LIPC: variants seen among roughly 807,000 people sequenced by gnomAD.
LIPC encodes the protein hepatic triacylglycerol lipase.
Under a neutral mutation model 50.7 loss-of-function variants are expected in LIPC, and 44 were observed. The ratio of observed to expected loss-of-function variants is 0.87; its 90% CI spans 0.68 to 1.11. LIPC has a LOEUF of 1.11. Among genes scored for constraint, LIPC ranks in the 50% most tolerant of loss-of-function variants. LIPC has a pLI of 0.00. For missense variants in LIPC, 697 were observed against 648.2 expected, an observed-to-expected ratio of 1.08 and a Z score of -0.82; for synonymous variants, 271 against 256.4, an observed-to-expected ratio of 1.06 and a Z score of -0.54.
At chr15:58,494,421 A>C (rs1488885787) in intron 1 of LIPC, among the ~76,000 whole-genome samples, 2 of 152,372 alleles carry the variant, frequency 1.3e-5, no homozygotes, top group Middle Eastern at 3.4e-3. Context: ...TTGCAGCCAT[A>C]GATCCTTGGG....
rs41292482 is a variant in LIPC, at chr15:58,442,560, A to C, written c.88+10440A>C. ...ACTCTTACATTTCTTGAATTGAACT[A>C]AGATGTACAGAACAACAGAAACCAT... On this transcript the variant is annotated intron_variant, in intron 1 of 8. Transcript: ENST00000299022. Among the ~76,000 whole-genome samples the C allele has an allele frequency of 4.5e-3, 679 of 152,336 alleles. 1 individual carries two copies. Among genetic ancestry groups the C allele is most frequent in the African/African-American group, 0.016 (657 of 41,568 alleles).
chr15:58,533,778 G>A lies in LIPC; in HGVS notation c.89-4555G>A, dbSNP rs532690680. ...AACATTATGAAGATATACTCCAAAT[G>A]TTATTTGTGTTTTTTTCTAAATAAT... On this transcript the variant is annotated intron_variant, in intron 1 of 8. Coordinates refer to ENST00000299022, the MANE Select transcript of LIPC (RefSeq NM_000236.3). Among the ~76,000 whole-genome samples the A allele has an allele frequency of 4.6e-5, 7 of 152,116 alleles. No homozygotes were observed. The South Asian group carries it at 1.2e-3, about 27-fold the overall frequency.
chr15:58,462,668 T>C (rs1894394954), intron 1 of LIPC, among the ~76,000 whole-genome samples: 1 of 152,198 alleles, frequency 6.6e-6, no homozygotes, highest in African/African-American at 2.4e-5. Flanking sequence ...GTCAGGCTCC[T>C]GTCAGCTCGG....
chr15:58,487,031 G>A (rs1180617965), intron 1 of LIPC, among the ~76,000 whole-genome samples: 1 of 152,202 alleles, frequency 6.6e-6, no homozygotes, highest in Non-Finnish European at 1.5e-5. Context: ...GTGCTAGGAT[G>A]ATTATGGTTC....
intron 1 of LIPC, chr15:58,436,878 CT>C: frequency 2.2e-6 from 1 of 456,230 alleles, no homozygotes; most frequent in Non-Finnish European, 4.4e-6. Context: ...AGTACATGTG[CT>C]TTTCAAGCCC....
intron 1 of LIPC, among the ~76,000 whole-genome samples, chr15:58,468,937 C>T (rs2140733349): frequency 6.6e-6 from 1 of 152,338 alleles, no homozygotes; most frequent in Admixed American, 6.5e-5. Context: ...CTTGTTTGCA[C>T]AGCTACTAAC....
rs978494442 is a variant in LIPC at position 58,443,721 on chromosome 15, A to G, written c.88+11601A>G. Among the ~76,000 whole-genome samples, 5 of 152,230 alleles carry G rather than the reference A, an allele frequency of 3.3e-5. No individual in the cohort carries two copies. The East Asian group carries it at 9.6e-4, about 29-fold the overall frequency. On this transcript the variant is annotated intron_variant, in intron 1 of 8. Transcript: ENST00000299022. ...CCACCAAGCAGGCTTTGTGTGAGCA[A>G]CAAGGCTGTTTATTTCACCTGGGTG...
chr15:58,473,333 AAC>A (rs1229320765), intron 1 of LIPC, among the ~76,000 whole-genome samples: 3 of 152,188 alleles, frequency 2.0e-5, no homozygotes, highest in Non-Finnish European at 4.4e-5. Context: ...CCGAAAGGAA[AAC>A]AGTCATTAGA....
intron 1 of LIPC, among the ~76,000 whole-genome samples, chr15:58,452,690 C>G (rs909258403): frequency 3.3e-5 from 5 of 151,670 alleles, no homozygotes; most frequent in African/African-American, 1.2e-4. Context: ...TCTGCTCTTT[C>G]ACTCCTCTTT....
chr15:58,474,798 A>T (rs1192227310), intron 1 of LIPC, among the ~76,000 whole-genome samples: 1 of 152,122 alleles, frequency 6.6e-6, no homozygotes, highest in Non-Finnish European at 1.5e-5. Flanking sequence ...TCCTCCACTC[A>T]TGGCCCTCCC....
chr15:58,486,409 C>T (rs1202414016), intron 1 of LIPC, among the ~76,000 whole-genome samples: 1 of 152,182 alleles, frequency 6.6e-6, no homozygotes, highest in Non-Finnish European at 1.5e-5. Context: ...GTGGATTGCC[C>T]CTGCTTATGG....
intron 4 of LIPC, among the ~76,000 whole-genome samples, chr15:58,544,028 A>G (rs41292508): frequency 0.014 from 2,068 of 152,352 alleles, 50 homozygotes; most frequent in African/African-American, 0.047. Context: ...TTTCAACAGA[A>G]TACACTTGTG....
At chr15:58,510,714 C>G (rs1892302704) in intron 1 of LIPC, among the ~76,000 whole-genome samples, 1 of 152,208 alleles carries the variant, frequency 6.6e-6, no homozygotes, top group Non-Finnish European at 1.5e-5. Flanking sequence ...CAGGTTTTAA[C>G]TTGTAACTTG....
intron 1 of LIPC, chr15:58,454,222 G>C (rs183813131): frequency 1.3e-5 from 2 of 152,354 alleles, no homozygotes; most frequent in Admixed American, 1.3e-4. Context: ...CAGAGAAATA[G>C]CTTGTCTCCA....
chr15:58,489,015 G>C (rs1220015301), intron 1 of LIPC, among the ~76,000 whole-genome samples: 1 of 152,130 alleles, frequency 6.6e-6, no homozygotes, highest in African/African-American at 2.4e-5. Context: ...GTGTGCATCT[G>C]CAAGTGCATT....
chr15:58,561,173 A>C (rs540128567), intron 7 of LIPC, among the ~76,000 whole-genome samples, 192 bp downstream of exon 7: 4 of 152,362 alleles, frequency 2.6e-5, no homozygotes, highest in African/African-American at 9.6e-5. Context: ...ACCGTGACAC[A>C]GCCTCAGGAG....
intron 1 of LIPC, among the ~76,000 whole-genome samples, chr15:58,516,809 G>T (rs548707120): frequency 1.3e-5 from 2 of 152,102 alleles, no homozygotes; most frequent in Non-Finnish European, 1.5e-5. Flanking sequence ...ACAATTCTAG[G>T]TTGGTTTTGA....
intron 1 of LIPC, among the ~76,000 whole-genome samples, chr15:58,474,809 A>T: frequency 6.6e-6 from 1 of 152,112 alleles, no homozygotes; most frequent in East Asian, 1.9e-4. Context: ...TGGCCCTCCC[A>T]GCTGCCCCTG....
intron 1 of LIPC, among the ~76,000 whole-genome samples, chr15:58,461,019 A>C (rs1894328947): frequency 6.6e-6 from 1 of 152,152 alleles, no homozygotes; most frequent in African/African-American, 2.4e-5. Flanking sequence ...GGAAGGAAGA[A>C]AGCCACCAAG....
Sources: allele counts gnomAD v4.1 joint callset (sites outside exome capture counted in the v4.1 genomes callset), GRCh38; gene constraint gnomAD v4.1.1; transcripts MANE v1.5; gene names NCBI Gene and HGNC (gene_info 2026-07-23, HGNC 2026-07-21).